SLC12A2: variants seen among roughly 807,000 people sequenced by gnomAD.
The protein encoded by SLC12A2 is solute carrier family 12 member 2, also known as Na-K-2Cl cotransporter 1.
In SLC12A2, 67 loss-of-function variants were observed where a neutral mutation model predicts 136.3. That is an observed-to-expected ratio of 0.49 (90% CI 0.40 to 0.60). The LOEUF (loss-of-function observed/expected upper bound fraction) is 0.60, where lower values mean the gene tolerates loss of function less well. Ranked by LOEUF, SLC12A2 falls within the 20% of genes least tolerant of loss-of-function variation. The pLI is 0.00. For synonymous variants in SLC12A2, 619 were observed against 562.9 expected (o/e 1.10, Z -1.41); for missense variants, 1,322 against 1,534.7 (o/e 0.86, Z 2.32).
At chr5:128,139,085 T>C (rs2126708611) in intron 9 of SLC12A2, among the ~76,000 whole-genome samples, 177 bp downstream of exon 9, 1 of 152,306 alleles carries the variant, frequency 6.6e-6, no homozygotes, top group Middle Eastern at 3.4e-3. Context: ...ATGACTTCTA[T>C]AGACATTATC....
chr5:128,109,054 A>G (rs1456459433), intron 1 of SLC12A2, among the ~76,000 whole-genome samples: 1 of 152,214 alleles, frequency 6.6e-6, no homozygotes, highest in Non-Finnish European at 1.5e-5. Flanking sequence ...ATTCCTGGTT[A>G]TCTTAAAATG....
At chr5:128,121,353 T>G (rs1268760564) in intron 4 of SLC12A2, among the ~76,000 whole-genome samples, 1 of 152,072 alleles carries the variant, frequency 6.6e-6, no homozygotes, top group African/African-American at 2.4e-5. Context: ...GACAGAGTCT[T>G]GCTCTGTTGC....
intron 1 of SLC12A2, among the ~76,000 whole-genome samples, chr5:128,087,040 A>G (rs926361716): frequency 2.0e-5 from 3 of 152,258 alleles, no homozygotes; most frequent in African/African-American, 7.2e-5. Context: ...CAGAAGAAGA[A>G]AAGAAGTAAA....
At chr5:128,119,945 T>C (rs891181558) in intron 4 of SLC12A2, among the ~76,000 whole-genome samples, 1 of 151,974 alleles carries the variant, frequency 6.6e-6, no homozygotes, top group Non-Finnish European at 1.5e-5. Context: ...GAGAAAATTT[T>C]CCCAACCTAC....
At chr5:128,117,384 C>G (rs1346558629) in intron 4 of SLC12A2, among the ~76,000 whole-genome samples, 1 of 152,102 alleles carries the variant, frequency 6.6e-6, no homozygotes, top group Non-Finnish European at 1.5e-5. Flanking sequence ...ACCAAAAAAT[C>G]TCACTTTTCA....
intron 17 of SLC12A2, among the ~76,000 whole-genome samples, chr5:128,166,231 T>C (rs1224702401): frequency 6.6e-6 from 1 of 152,104 alleles, no homozygotes; most frequent in African/African-American, 2.4e-5. Context: ...CCTCACACTA[T>C]ATATAAAAGT....
chr5:128,182,736 A>G (rs1581143890), intron 23 of SLC12A2, 119 bp from the exon 24 acceptor site: 6 of 616,586 alleles, frequency 9.7e-6, no homozygotes, highest in Admixed American at 3.0e-5. Flanking sequence ...ATTCAAATGG[A>G]TATTGTTTAG....
chr5:128,180,575 G>T (rs1392159715), intron 22 of SLC12A2, among the ~76,000 whole-genome samples: 1 of 152,114 alleles, frequency 6.6e-6, no homozygotes, highest in African/African-American at 2.4e-5. Context: ...TCTAATTTCA[G>T]TGTTAAACAT....
intron 22 of SLC12A2, among the ~76,000 whole-genome samples, 155 bp from the exon 23 acceptor site, chr5:128,180,728 T>G (rs1431340082): frequency 6.6e-6 from 1 of 152,172 alleles, no homozygotes; most frequent in Non-Finnish European, 1.5e-5. Context: ...GTTTCTCAGG[T>G]CTGCTAATGG....
chr5:128,124,689 T>A (rs1330972228), intron 4 of SLC12A2, among the ~76,000 whole-genome samples: 1 of 152,180 alleles, frequency 6.6e-6, no homozygotes, highest in Non-Finnish European at 1.5e-5. Context: ...TAGTTTTCCA[T>A]TATATAGCCA....
rs192746785 is a variant in SLC12A2 at position 128,129,449 on chromosome 5, G to T, written c.1049-1618G>T. Among the ~76,000 whole-genome samples the T allele has an allele frequency of 2.5e-4, 37 of 150,622 alleles. 2 individuals carry two copies. The East Asian group carries it at 7.2e-3, about 29-fold the overall frequency. On this transcript the variant is annotated intron_variant, in intron 4 of 26. Transcript: ENST00000262461. ...TAAGTCATTTTTATCTCAAAATCAT[G>T]AGGCTAATGTTAAATGGTTAGGTTG...
chr5:128,178,036 T>C (rs1416917191), intron 21 of SLC12A2, among the ~76,000 whole-genome samples: 1 of 152,150 alleles, frequency 6.6e-6, no homozygotes, highest in Non-Finnish European at 1.5e-5. Context: ...GAGAAGTCTT[T>C]CCTTAGACTA....
Position 128,138,817 on chromosome 5 carries a change from C to A in SLC12A2, c.1537-7C>A. On this transcript the variant is annotated splice_region_variant and splice_polypyrimidine_tract_variant and intron_variant, in intron 8 of 26. Coordinates refer to ENST00000262461, the MANE Select transcript of SLC12A2 (RefSeq NM_001046.3). ...GATAGACTTTAAAAAATCTTCTTGTCTTCTAGGATCCTCAGTCAGCCATAC... is the reference window on the plus strand; with the variant it reads ...GATAGACTTTAAAAAATCTTCTTGTATTCTAGGATCCTCAGTCAGCCATAC... 3 of 1,609,720 alleles carry A rather than the reference C, an allele frequency of 1.9e-6. No homozygotes were observed. Among genetic ancestry groups the A allele is most frequent in the Non-Finnish European group, 2.5e-6 (3 of 1,177,806 alleles).
intron 1 of SLC12A2, among the ~76,000 whole-genome samples, chr5:128,092,040 G>A (rs1760343273): frequency 6.6e-6 from 1 of 152,110 alleles, no homozygotes; most frequent in Non-Finnish European, 1.5e-5. Flanking sequence ...TAGGTGGTTT[G>A]GCAGGGCAGG....
intron 17 of SLC12A2, among the ~76,000 whole-genome samples, chr5:128,165,899 T>C (rs563484047): frequency 1.1e-4 from 16 of 142,510 alleles, no homozygotes; most frequent in Non-Finnish European, 2.1e-4. Context: ...CCTAAAGATA[T>C]TCTTGGTTTT....
rs1763892091 is a variant in SLC12A2 at position 128,187,042 on chromosome 5, T to A, written c.*411T>A. The A allele has an allele frequency of 1.3e-5, 2 of 159,936 alleles. No homozygotes were observed. The highest frequency in any genetic ancestry group is 2.8e-5 in the Non-Finnish European group (2 of 72,002). 9.9% of individuals were successfully genotyped at this position (159,936 alleles called of 1,614,324 possible). ...AATGTCAAACTTTGCCTTCAACTGTTTTTATTTCTAGTCTCTTCCACTTTA... is the reference window on the plus strand; with the variant it reads ...AATGTCAAACTTTGCCTTCAACTGTATTTATTTCTAGTCTCTTCCACTTTA... On this transcript the variant is annotated 3_prime_UTR_variant, in exon 27 of 27. Coordinates refer to ENST00000262461, the MANE Select transcript of SLC12A2 (RefSeq NM_001046.3).
chr5:128,128,775 A>G (rs1007441654), intron 4 of SLC12A2, among the ~76,000 whole-genome samples: 1 of 151,758 alleles, frequency 6.6e-6, no homozygotes, highest in Non-Finnish European at 1.5e-5. Context: ...TAGTAAAAAA[A>G]TAACACAGCC....
Position 128,086,286 on chromosome 5 carries a change from C to T in SLC12A2, c.756+1576C>T, listed in dbSNP as rs1282415687. ...TCAATAACAAAGCACTTCAAGTTCT[C>T]CAAAACTTTAGATTTGTGTGTTTGT... On this transcript the variant is annotated intron_variant, in intron 1 of 26. Transcript: ENST00000262461. Among the ~76,000 whole-genome samples the T allele has an allele frequency of 3.9e-5, 6 of 152,240 alleles. No homozygotes were observed. The East Asian group carries it at 1.2e-3, about 29-fold the overall frequency.
intron 21 of SLC12A2, among the ~76,000 whole-genome samples, chr5:128,177,803 T>A (rs935227084): frequency 6.6e-5 from 10 of 152,190 alleles, no homozygotes; most frequent in African/African-American, 2.2e-4. Context: ...TGTAGGAGTT[T>A]CATGATAGTC....
Sources: gnomAD v4.1 joint callset for allele counts (sites outside exome capture counted in the v4.1 genomes callset) on GRCh38, gnomAD v4.1.1 for gene constraint, MANE v1.5 for transcripts, NCBI Gene and HGNC (gene_info 2026-07-23, HGNC 2026-07-21) for gene names.